The following IL19 variants were observed in gnomAD, a reference collection of about 807,000 sequenced individuals.
IL19 encodes the protein interleukin 19, also known as interleukin-19.
Under a neutral mutation model 19.5 loss-of-function variants are expected in IL19, and 15 were observed. The ratio of observed to expected loss-of-function variants is 0.77; its 90% confidence interval spans 0.52 to 1.19. The LOEUF is 1.19. Among genes scored for constraint, IL19 ranks in the 50% most tolerant of loss-of-function variants. The pLI is 0.00. For missense variants in IL19, 199 were observed against 213.1 expected (o/e 0.93, Z 0.41); for synonymous variants, 78 against 78.3 (o/e 1.00, Z 0.02).
intron 1 of IL19, among the ~76,000 whole-genome samples, chr1:206,790,348 A>G (rs2102453905): frequency 6.6e-6 from 1 of 152,240 alleles, no homozygotes; most frequent in East Asian, 1.9e-4. Context: ...CAGAAAAAAA[A>G]CTGAGCCCCA....
rs1348173412 is a variant in IL19 at position 206,798,973 on chromosome 1, T to G, written c.-36T>G. ...ACATGTGCACACACATATCCATGTG[T>G]GTGTGCCAGTGCTTTGGGGCTCTGT... On this transcript the variant is annotated 5_prime_UTR_variant, in exon 2 of 7. Coordinates refer to ENST00000659997, the MANE Select transcript of IL19 (RefSeq NM_153758.5). 6.2e-7 allele frequency: 1 copy of G among 1,613,982 alleles called. No individual in the cohort carries two copies. The highest frequency in any genetic ancestry group is 1.7e-5 in the Admixed American group (1 of 60,022).
intron 1 of IL19, among the ~76,000 whole-genome samples, chr1:206,787,650 A>C (rs1353503944): frequency 1.3e-5 from 2 of 152,000 alleles, no homozygotes; most frequent in African/African-American, 4.8e-5. Context: ...AAATGGAGAG[A>C]CTCCTCAGTT....
At chr1:206,815,088 T>C (rs1400988) in intron 2 of IL19, among the ~76,000 whole-genome samples, 152,069 of 152,354 alleles carry the variant, frequency 1, 75,894 homozygotes, top group Non-Finnish European at 1. Flanking sequence ...TTCAAGATAT[T>C]TCATTCATAT....
At chr1:206,830,903 CTCAG>C (rs1212026287) in intron 2 of IL19, among the ~76,000 whole-genome samples, 1 of 152,112 alleles carries the variant, frequency 6.6e-6, no homozygotes, top group Non-Finnish European at 1.5e-5. Context: ...CAAATTCGTT[CTCAG>C]TCATACTTCT....
intron 2 of IL19, among the ~76,000 whole-genome samples, chr1:206,801,094 C>A (rs1204981433): frequency 2.0e-5 from 3 of 152,092 alleles, no homozygotes; most frequent in Admixed American, 6.5e-5. Flanking sequence ...CTTTCACTCT[C>A]TCCCTAGTAG....
chr1:206,827,962 G>T (rs1676483990), intron 2 of IL19, among the ~76,000 whole-genome samples: 1 of 152,226 alleles, frequency 6.6e-6, no homozygotes. Context: ...TGGAATAGGT[G>T]TGAAGATGAA....
intron 2 of IL19, among the ~76,000 whole-genome samples, chr1:206,830,727 G>GCA (rs1676576848): frequency 6.6e-6 from 1 of 152,102 alleles, no homozygotes; most frequent in South Asian, 2.1e-4. Context: ...TACAGGTACT[G>GCA]CCACCACGCC....
At chr1:206,822,699 G>T (rs953256571) in intron 2 of IL19, among the ~76,000 whole-genome samples, 1 of 152,204 alleles carries the variant, frequency 6.6e-6, no homozygotes, top group East Asian at 1.9e-4. Context: ...CATGACATCT[G>T]TTTAATGGCC....
At chr1:206,779,838 C>G (rs748756040) in intron 1 of IL19, among the ~76,000 whole-genome samples, 1 of 151,336 alleles carries the variant, frequency 6.6e-6, no homozygotes, top group South Asian at 2.1e-4. Flanking sequence ...TCAAATGATC[C>G]GCATGCTCTC....
chr1:206,806,510 T>C (rs1675849428), intron 2 of IL19, among the ~76,000 whole-genome samples: 1 of 152,228 alleles, frequency 6.6e-6, no homozygotes, highest in Non-Finnish European at 1.5e-5. Context: ...AAACAAAGTA[T>C]TTTAATCTGT....
intron 1 of IL19, among the ~76,000 whole-genome samples, chr1:206,777,406 CAAA>C (rs761553258): frequency 7.4e-5 from 4 of 54,030 alleles, no homozygotes; most frequent in Non-Finnish European, 3.9e-5. Context: ...GACTCCGTCT[CAAA>C]AAAAAAAAAA....
At chr1:206,785,331 G>T (rs777494705) in intron 1 of IL19, among the ~76,000 whole-genome samples, 10 of 152,312 alleles carry the variant, frequency 6.6e-5, no homozygotes, top group Non-Finnish European at 8.8e-5. Context: ...GACTTGAGTG[G>T]CAACCATTGG....
At chr1:206,825,177 T>C (rs916120024) in intron 2 of IL19, among the ~76,000 whole-genome samples, 4 of 152,224 alleles carry the variant, frequency 2.6e-5, no homozygotes, top group African/African-American at 9.6e-5. Flanking sequence ...AGGGATTCCA[T>C]ATATTGAATC....
At chr1:206,828,250 A>G (rs1372437829) in intron 2 of IL19, among the ~76,000 whole-genome samples, 1 of 144,220 alleles carries the variant, frequency 6.9e-6, no homozygotes, top group African/African-American at 2.6e-5. Flanking sequence ...TTACTCAGAG[A>G]TAACGTCAAT....
At chr1:206,822,024 T>C (rs1284844001) in intron 2 of IL19, among the ~76,000 whole-genome samples, 2 of 152,192 alleles carry the variant, frequency 1.3e-5, no homozygotes, top group Non-Finnish European at 2.9e-5. Flanking sequence ...CCACCGTGCC[T>C]GGAATCTGGA....
Position 206,841,097 on chromosome 1 carries a change from T to C in IL19, c.438+19T>C, listed in dbSNP as rs1309056902. The C allele has an allele frequency of 6.2e-7, 1 of 1,604,902 alleles. No homozygotes were observed. The highest frequency in any genetic ancestry group is 8.5e-7 in the Non-Finnish European group (1 of 1,171,788). On this transcript the variant is annotated intron_variant, in intron 6 of 6. Coordinates refer to ENST00000659997, the MANE Select transcript of IL19 (RefSeq NM_153758.5). ...TGATCAGGTAAGATCTGGGAAGAGG[T>C]TGGGGAAGATGGAAGATGAGAGGTA...
chr1:206,833,615 G>A (rs1199873091), intron 2 of IL19: 2 of 964,454 alleles, frequency 2.1e-6, no homozygotes, highest in African/African-American at 3.5e-5. Flanking sequence ...AAGAGTTTAT[G>A]TAAAAAGGTA....
intron 2 of IL19, among the ~76,000 whole-genome samples, chr1:206,801,301 T>C (rs999950396): frequency 6.6e-6 from 1 of 152,324 alleles, no homozygotes; most frequent in South Asian, 2.1e-4. Flanking sequence ...GGACTGCTCC[T>C]GCTCTGGAAT....
At chr1:206,781,305 G>T (rs527686982) in intron 1 of IL19, among the ~76,000 whole-genome samples, 1 of 150,710 alleles carries the variant, frequency 6.6e-6, no homozygotes, top group Non-Finnish European at 1.5e-5. Flanking sequence ...TTAGCTGGGC[G>T]TGGTGAGGCT....
Sources: allele counts gnomAD v4.1 joint callset (sites outside exome capture counted in the v4.1 genomes callset), GRCh38; gene constraint gnomAD v4.1.1; transcripts MANE v1.5; gene names NCBI Gene and HGNC (gene_info 2026-07-23, HGNC 2026-07-21).